Variants in FOXK1 observed in about 807,000 individuals in gnomAD.
FOXK1 encodes forkhead box protein K1.
In FOXK1, 19 loss-of-function variants were observed where a neutral mutation model predicts 51.9. That is an observed-to-expected ratio of 0.37 (90% CI 0.26 to 0.54). The LOEUF is 0.54. Ranked by LOEUF, FOXK1 falls within the 20% of genes least tolerant of loss-of-function variation. The pLI is 0.87. For synonymous variants in FOXK1, 537 were observed against 482.6 expected, an observed-to-expected ratio of 1.11 and a Z score of -1.48; for missense variants, 870 against 1,032.7, an observed-to-expected ratio of 0.84 and a Z score of 2.16.
Position 4,756,968 on chromosome 7 carries a change from G to A in FOXK1, c.1051-26G>A, listed in dbSNP as rs571571261. On this transcript the variant is annotated intron_variant, in intron 4 of 8. Coordinates refer to ENST00000328914, the MANE Select transcript of FOXK1 (RefSeq NM_001037165.2). The surrounding 1 kb of genome is among the most constrained non-coding windows in gnomAD (Gnocchi z 4.1). ...ACTCATTTTCTGATTTGCTGGTGAT[G>A]GGTGAATATCTCTGCTTCCCTGCAG... is the stretch of plus-strand genomic sequence containing the variant. The A allele has an allele frequency of 6.2e-7, 1 of 1,607,674 alleles. No individual in the cohort carries two copies. The highest frequency in any genetic ancestry group is 2.2e-5 in the East Asian group (1 of 44,756).
Position 4,722,178 on chromosome 7 carries a change from T to G in FOXK1, c.561-18660T>G, listed in dbSNP as rs1238526123. Among the ~76,000 whole-genome samples, 3 of 152,294 alleles carry G rather than the reference T, an allele frequency of 2.0e-5. 1 individual carries two copies. In the South Asian group the frequency reaches 6.2e-4, roughly 32 times the overall value. On this transcript the variant is annotated intron_variant, in intron 1 of 8. Coordinates refer to ENST00000328914, the MANE Select transcript of FOXK1 (RefSeq NM_001037165.2). This position sits in a 1 kb window ranked among gnomAD's most constrained non-coding sequence, Gnocchi z 5.1. ...AGAAGATGGCGGGGCAGGAGGTGTC[T>G]GTGTCTCAGCAGATGCTGGATTTCA...
chr7:4,742,134 C>T (rs1275791049), intron 2 of FOXK1, among the ~76,000 whole-genome samples: 1 of 152,264 alleles, frequency 6.6e-6, no homozygotes, highest in East Asian at 1.9e-4. Flanking sequence ...GCGTCGCTCG[C>T]GCGTCACCAG....
In FOXK1 at chr7:4,759,462, C is replaced by T. The variant is rs1384231585; in HGVS notation, c.1563C>T (p.Thr521=). 6.3e-7 allele frequency: 1 copy of T among 1,591,146 alleles called. No individual in the cohort carries two copies. The highest frequency in any genetic ancestry group is 8.5e-7 in the Non-Finnish European group (1 of 1,173,582). The part of the protein sequence containing the change: ...HAIHVVQQAP[T]VTMVRVVTTS... ...TCCACGTCGTGCAGCAGGCCCCCACCGTCACCATGGTCAGGGTGGTCACCA... is the reference window on the plus strand; with the variant it reads ...TCCACGTCGTGCAGCAGGCCCCCACTGTCACCATGGTCAGGGTGGTCACCA... Residue 521 remains threonine (T), a synonymous_variant, in exon 7 of 9, where the codon ACC becomes ACT. Transcript: ENST00000328914.
intron 1 of FOXK1, among the ~76,000 whole-genome samples, chr7:4,697,499 AC>A (rs1779968323): frequency 6.6e-6 from 1 of 151,940 alleles, no homozygotes; most frequent in African/African-American, 2.4e-5. Flanking sequence ...GACCATGTGG[AC>A]CCCAGAGCCT....
chr7:4,704,834 C>CTTTTTTTT lies in FOXK1; in HGVS notation c.560+21974_560+21981dup, dbSNP rs775099211. 9.1e-4 allele frequency among the ~76,000 whole-genome samples: 120 copies of CTTTTTTTT among 131,396 alleles called. 7 individuals are homozygous for CTTTTTTTT. Among genetic ancestry groups the CTTTTTTTT allele is most frequent in the African/African-American group, 3.5e-3 (109 of 31,084 alleles). 86.2% of individuals were successfully genotyped at this position (131,396 alleles called of 152,430 possible). On this transcript the variant is annotated intron_variant, in intron 1 of 8. Transcript: ENST00000328914. ...CTCCCAAACCAATCTATGTTTCATT[C>CTTTTTTTT]TTTTTTTTTTTTTTTGAGAAAAAGT...
In FOXK1 at chr7:4,749,348, A is replaced by G. The variant is rs1175082518; in HGVS notation, c.747-5111A>G. ...TGGTAGAAGCTTCCTCAAACCACAG[A>G]TGTGCCTTGGCCGGCTGTTGTGTTT... On this transcript the variant is annotated intron_variant, in intron 2 of 8. Transcript: ENST00000328914. This position sits in a 1 kb window ranked among gnomAD's most constrained non-coding sequence, Gnocchi z 6.0. 6.6e-6 allele frequency among the ~76,000 whole-genome samples: 1 copy of G among 152,102 alleles called. No individual in the cohort carries two copies. The highest frequency in any genetic ancestry group is 2.4e-5 in the African/African-American group (1 of 41,408).
Position 4,733,534 on chromosome 7 carries a change from T to C in FOXK1, c.561-7304T>C, listed in dbSNP as rs186212181. On this transcript the variant is annotated intron_variant, in intron 1 of 8. Coordinates refer to ENST00000328914, the MANE Select transcript of FOXK1 (RefSeq NM_001037165.2). This position sits in a 1 kb window ranked among gnomAD's most constrained non-coding sequence, Gnocchi z 5.0. ...ATAGACATGACCCATTTGTATCCCA[T>C]TGACCAGCTCATAGTCTCATGGTTG... Among the ~76,000 whole-genome samples, 21 of 152,304 alleles carry C rather than the reference T, an allele frequency of 1.4e-4. No individual in the cohort carries two copies. The highest frequency in any genetic ancestry group is 4.8e-4 in the African/African-American group (20 of 41,568).
At chr7:4,721,758 T>G (rs1438713304) in intron 1 of FOXK1, among the ~76,000 whole-genome samples, 2 of 151,960 alleles carry the variant, frequency 1.3e-5, no homozygotes, top group Non-Finnish European at 2.9e-5. Context: ...GCCCAGCTAA[T>G]TCTTGCATTT....
chr7:4,724,787 G>A (rs966052402), intron 1 of FOXK1, among the ~76,000 whole-genome samples: 3 of 152,224 alleles, frequency 2.0e-5, no homozygotes, highest in Non-Finnish European at 2.9e-5. Flanking sequence ...ATTCCAGAGG[G>A]GAGAGAGGAG....
chr7:4,750,396 C>T (rs1257141147), intron 2 of FOXK1, among the ~76,000 whole-genome samples: 2 of 151,894 alleles, frequency 1.3e-5, no homozygotes, highest in African/African-American at 4.8e-5. Flanking sequence ...TGCTCTTTCT[C>T]ATTCCCGCAG....
Position 4,768,786 on chromosome 7 carries a change from G to A in FOXK1, c.*6322G>A, listed in dbSNP as rs1781054326. On this transcript the variant is annotated 3_prime_UTR_variant, in exon 9 of 9. Transcript: ENST00000328914. ...TGAGGAGGATTCGTCTCTGACTGAT[G>A]AACCTCGCCGTGCCTGTCTGTCACA... 6.6e-6 allele frequency: 1 copy of A among 152,290 alleles called. No homozygotes were observed. The highest frequency in any genetic ancestry group is 2.4e-5 in the African/African-American group (1 of 41,450). 9.4% of individuals were successfully genotyped at this position (152,290 alleles called of 1,614,324 possible).
chr7:4,736,175 G>A (rs952769813), intron 1 of FOXK1, among the ~76,000 whole-genome samples: 6 of 152,152 alleles, frequency 3.9e-5, no homozygotes, highest in Non-Finnish European at 8.8e-5. Flanking sequence ...CAAGTAGCAT[G>A]CTTCATAGCA....
At chr7:4,688,564 T>G (rs1370769397) in intron 1 of FOXK1, among the ~76,000 whole-genome samples, 1 of 152,040 alleles carries the variant, frequency 6.6e-6, no homozygotes, top group Non-Finnish European at 1.5e-5. Flanking sequence ...CCTGGCTAAT[T>G]TTTAGTAGAG....
chr7:4,723,901 G>A lies in FOXK1; in HGVS notation c.561-16937G>A, dbSNP rs547625538. Among the ~76,000 whole-genome samples, 1 of 152,142 alleles carries A rather than the reference G, an allele frequency of 6.6e-6. No individual in the cohort carries two copies. Among genetic ancestry groups the A allele is most frequent in the African/African-American group, 2.4e-5 (1 of 41,434 alleles). On this transcript the variant is annotated intron_variant, in intron 1 of 8. Coordinates refer to ENST00000328914, the MANE Select transcript of FOXK1 (RefSeq NM_001037165.2). This position sits in a 1 kb window ranked among gnomAD's most constrained non-coding sequence, Gnocchi z 4.7. Reference sequence around the variant, plus strand: ...GCCCAGGCCGGTCTCGACCTCCTAGGCTCAAGCGATCCTCCTACCTCAGCT... The same window carrying A: ...GCCCAGGCCGGTCTCGACCTCCTAGACTCAAGCGATCCTCCTACCTCAGCT...
Position 4,706,064 on chromosome 7 carries a change from G to GTATATATA in FOXK1, c.560+23197_560+23198insATATATAT, listed in dbSNP as rs1562373287. Among the ~76,000 whole-genome samples the GTATATATA allele has an allele frequency of 1.3e-4, 14 of 110,686 alleles. 1 individual carries two copies. The highest frequency in any genetic ancestry group is 1.1e-3 in the African/African-American group (12 of 11,346). 72.6% of individuals were successfully genotyped at this position (110,686 alleles called of 152,430 possible). A position where few individuals can be genotyped will look rare whatever the true frequency, so the allele number is the denominator to read the frequency against. On this transcript the variant is annotated intron_variant, in intron 1 of 8. Transcript: ENST00000328914. ...TATACGTGTATATATGTATATATAT[G>GTATATATA]TGTATATATGTATATATGCAATCCA...
At chr7:4,706,028 A>T (rs1026595180) in intron 1 of FOXK1, among the ~76,000 whole-genome samples, 9 of 109,954 alleles carry the variant, frequency 8.2e-5, no homozygotes, top group African/African-American at 4.3e-4. Context: ...ATATACGTGT[A>T]TATACGTGTA....
chr7:4,768,392 A>G lies in FOXK1; in HGVS notation c.*5928A>G, dbSNP rs1335366149. ...CGTGATCCGCCCGCCTCGGCCTCCCAAAGTGCTGGGATTACAGGCGTGAGC... is the reference window on the plus strand; with the variant it reads ...CGTGATCCGCCCGCCTCGGCCTCCCGAAGTGCTGGGATTACAGGCGTGAGC... On this transcript the variant is annotated 3_prime_UTR_variant, in exon 9 of 9. Transcript: ENST00000328914. The G allele has an allele frequency of 2.9e-5, 4 of 138,158 alleles. No homozygotes were observed. The East Asian group carries it at 5.8e-4, about 20-fold the overall frequency. The allele number at this position is 138,158 out of a possible 1,614,324, so 8.6% of individuals were successfully genotyped here. A position where few individuals can be genotyped will look rare whatever the true frequency, so the allele number is the denominator to read the frequency against.
At position 4,749,245 on chromosome 7, in the gene FOXK1, A is replaced by G. The variant is rs1438167495; in HGVS notation, c.747-5214A>G. Among the ~76,000 whole-genome samples, 3 of 152,002 alleles carry G rather than the reference A, an allele frequency of 2.0e-5. No individual in the cohort carries two copies. Among genetic ancestry groups the G allele is most frequent in the Admixed American group, 2.0e-4 (3 of 15,262 alleles). On this transcript the variant is annotated intron_variant, in intron 2 of 8. Transcript: ENST00000328914. This position sits in a 1 kb window ranked among gnomAD's most constrained non-coding sequence, Gnocchi z 6.0. ...CATCGTTACCTCCCTAGGGACGGGA[A>G]CCATGTTTCATCTCCTCCCAAGCTC...
intron 1 of FOXK1, among the ~76,000 whole-genome samples, chr7:4,706,783 AT>A (rs1458415742): frequency 6.6e-6 from 1 of 152,210 alleles, no homozygotes; most frequent in African/African-American, 2.4e-5. Context: ...CTTTGTCAGT[AT>A]CAGCCAGGTC....
Sources: gnomAD v4.1 joint callset for allele counts (sites outside exome capture counted in the v4.1 genomes callset) on GRCh38, gnomAD v4.1.1 for gene constraint, Gnocchi (gnomAD v3.1) non-coding constraint, MANE v1.5 for transcripts, NCBI Gene and HGNC (gene_info 2026-07-23, HGNC 2026-07-21) for gene names.